The following ENPP3 variants were observed in gnomAD, a reference collection of about 807,000 sequenced individuals.
ENPP3 encodes ectonucleotide pyrophosphatase/phosphodiesterase 3.
ENPP3 carries 104 observed loss-of-function variants against 117.8 expected under a neutral mutation model. The observed-to-expected ratio is 0.88, with a 90% CI of 0.75 to 1.04. The LOEUF is 1.04. Among genes scored for constraint, ENPP3 ranks in the 50% least tolerant of loss-of-function variants. The pLI is 0.00. For missense variants in ENPP3, 1,026 were observed against 1,051.9 expected (o/e 0.98, Z 0.34); for synonymous variants, 380 against 349.9 (o/e 1.09, Z -0.96).
At chr6:131,693,286 T>G (rs1779329592) in intron 14 of ENPP3, among the ~76,000 whole-genome samples, 1 of 151,418 alleles carries the variant, frequency 6.6e-6, no homozygotes, top group Non-Finnish European at 1.5e-5. Flanking sequence ...AATCAGATTT[T>G]TAATTGCAAC....
At chr6:131,694,895 C>CACAAGGG (rs1227385566) in intron 15 of ENPP3, among the ~76,000 whole-genome samples, 2 of 143,228 alleles carry the variant, frequency 1.4e-5, no homozygotes, top group African/African-American at 5.4e-5. Flanking sequence ...GATGAAAGAA[C>CACAAGGG]ACAAGGGACA....
intron 2 of ENPP3, among the ~76,000 whole-genome samples, chr6:131,641,955 C>T (rs562287995): frequency 1.6e-4 from 25 of 151,668 alleles, no homozygotes; most frequent in East Asian, 3.9e-4. Context: ...CCACCACACC[C>T]GGCTAATTTT....
In ENPP3 at chr6:131,700,599, T is replaced by C. The variant is rs148863975; in HGVS notation, c.1412+6975T>C. On this transcript the variant is annotated intron_variant, in intron 15 of 24. Transcript: ENST00000357639. ...AAACAGCAGGAGATATTTCTTCTGCTCCTTGGGGTTCCCATATCTGGGTCC... is the reference window on the plus strand; with the variant it reads ...AAACAGCAGGAGATATTTCTTCTGCCCCTTGGGGTTCCCATATCTGGGTCC... The C allele has an allele frequency of 2.3e-4, 355 of 1,548,298 alleles. 40 individuals carry two copies. Among genetic ancestry groups the C allele is most frequent in the Admixed American group, 4.5e-4 (24 of 52,806 alleles).
In ENPP3 at chr6:131,674,286, G is replaced by A; in HGVS notation, c.762+5G>A. ...GCCTGGTGGCATGGGCAACCAGTATGTAGCATTCTACACGTCGCAACTGAA... is the reference window on the plus strand; with the variant it reads ...GCCTGGTGGCATGGGCAACCAGTATATAGCATTCTACACGTCGCAACTGAA... On this transcript the variant is annotated splice_donor_5th_base_variant and intron_variant, in intron 8 of 24. Coordinates refer to ENST00000357639, the MANE Select transcript of ENPP3 (RefSeq NM_005021.5). 2 of 1,613,670 alleles carry A rather than the reference G, an allele frequency of 1.2e-6. No homozygotes were observed. Among genetic ancestry groups the A allele is most frequent in the South Asian group, 2.2e-5 (2 of 91,078 alleles).
At chr6:131,677,404 AGTTAT>A in intron 10 of ENPP3, among the ~76,000 whole-genome samples, 1 of 152,180 alleles carries the variant, frequency 6.6e-6, no homozygotes, top group East Asian at 1.9e-4. Context: ...CCTGACACTC[AGTTAT>A]AAGGATAGAC....
At chr6:131,697,051 G>C (rs886521025) in intron 15 of ENPP3, among the ~76,000 whole-genome samples, 5 of 152,194 alleles carry the variant, frequency 3.3e-5, no homozygotes, top group Non-Finnish European at 7.3e-5. Flanking sequence ...ACAGGCGTGA[G>C]CCACCGTGCC....
At chr6:131,725,404 C>A (rs145228859) in intron 19 of ENPP3, among the ~76,000 whole-genome samples, 1 of 152,052 alleles carries the variant, frequency 6.6e-6, no homozygotes, top group African/African-American at 2.4e-5. Context: ...TCATAAAGGG[C>A]CTTCTTCTCA....
chr6:131,744,171 T>G (rs769465694), intron 24 of ENPP3, among the ~76,000 whole-genome samples: 25 of 152,250 alleles, frequency 1.6e-4, no homozygotes, highest in Non-Finnish European at 2.6e-4. Flanking sequence ...TGTAAGGAAT[T>G]AGATCATATT....
rs1329966495 is a variant in ENPP3 at position 131,693,595 on chromosome 6, C to A, written c.1383C>A (p.Leu461=). 1.9e-6 allele frequency: 3 copies of A among 1,613,720 alleles called. No individual in the cohort carries two copies. In the African/African-American group the frequency reaches 4.0e-5, roughly 22 times the overall value. The change falls in exon 15 of 25, where the codon CTC becomes CTA. Residue 461 remains leucine (L), a synonymous_variant. Coordinates refer to ENST00000357639, the MANE Select transcript of ENPP3 (RefSeq NM_005021.5). ...AKNVRIDKVH[L]FVDQQWLAVR... ...ACGTCAGAATCGACAAAGTTCATCT[C>A]TTTGTGGATCAACAGTGGCTGGCTG...
At chr6:131,676,667 A>T (rs760958238) in intron 9 of ENPP3, 69 bp from the exon 10 acceptor site, 11 of 1,039,104 alleles carry the variant, frequency 1.1e-5, no homozygotes, top group Non-Finnish European at 1.5e-5. Context: ...AACTTTCTGA[A>T]TAGGAATGTA....
At chr6:131,656,915 C>A (rs1211281799) in intron 5 of ENPP3, among the ~76,000 whole-genome samples, 2 of 152,080 alleles carry the variant, frequency 1.3e-5, no homozygotes, top group African/African-American at 2.4e-5. Context: ...GACAGGCAAG[C>A]TGGCCATTAA....
intron 2 of ENPP3, among the ~76,000 whole-genome samples, chr6:131,648,759 A>G (rs898091287): frequency 6.6e-6 from 1 of 152,204 alleles, no homozygotes; most frequent in African/African-American, 2.4e-5. Flanking sequence ...AGCAAGTATC[A>G]TAGGGAATTA....
chr6:131,643,574 C>T (rs754464488), intron 2 of ENPP3, among the ~76,000 whole-genome samples: 89 of 152,218 alleles, frequency 5.8e-4, no homozygotes, highest in Non-Finnish European at 1.0e-3. Context: ...ATTTTTCCAC[C>T]GCATCTATTC....
intron 24 of ENPP3, among the ~76,000 whole-genome samples, chr6:131,745,846 C>T (rs899032814): frequency 1.3e-5 from 2 of 152,046 alleles, no homozygotes; most frequent in African/African-American, 2.4e-5. Context: ...CGGCCGGGTG[C>T]GGTGGCTCAT....
At chr6:131,741,810 A>G (rs537843225) in intron 24 of ENPP3, among the ~76,000 whole-genome samples, 1 of 152,196 alleles carries the variant, frequency 6.6e-6, no homozygotes, top group Non-Finnish European at 1.5e-5. Context: ...GGAAAGTCCC[A>G]TAGGCAATTA....
chr6:131,682,220 G>C (rs771270969), intron 11 of ENPP3, among the ~76,000 whole-genome samples: 1 of 152,012 alleles, frequency 6.6e-6, no homozygotes, highest in Non-Finnish European at 1.5e-5. Context: ...GTGGCCAAGC[G>C]TGTCAGCTCA....
At chr6:131,691,364 G>A (rs567689915) in intron 14 of ENPP3, among the ~76,000 whole-genome samples, 12 of 152,082 alleles carry the variant, frequency 7.9e-5, no homozygotes, top group Admixed American at 5.9e-4. Flanking sequence ...CGAGGCGGGC[G>A]GATCACTTGA....
chr6:131,647,461 T>C (rs1778175405), intron 2 of ENPP3, among the ~76,000 whole-genome samples: 1 of 152,176 alleles, frequency 6.6e-6, no homozygotes, highest in Non-Finnish European at 1.5e-5. Flanking sequence ...GTTTCTTTAG[T>C]ATAAAGTCTG....
intron 1 of ENPP3, among the ~76,000 whole-genome samples, chr6:131,639,058 T>C (rs759305005): frequency 6.6e-6 from 1 of 151,956 alleles, no homozygotes; most frequent in East Asian, 1.9e-4. Flanking sequence ...CTTTTCCCTA[T>C]ATCCCATATT....
Sources: gnomAD v4.1 joint callset for allele counts (sites outside exome capture counted in the v4.1 genomes callset) on GRCh38, gnomAD v4.1.1 for gene constraint, MANE v1.5 for transcripts, NCBI Gene and HGNC (gene_info 2026-07-23, HGNC 2026-07-21) for gene names.